Variants in L3MBTL3 observed in about 807,000 individuals in gnomAD.
L3MBTL3 encodes L3MBTL histone methyl-lysine binding protein 3.
In L3MBTL3, 27 loss-of-function variants were observed where a neutral mutation model predicts 102.3. The observed-to-expected ratio is 0.26, with a 90% CI of 0.19 to 0.36. The LOEUF (loss-of-function observed/expected upper bound fraction) is 0.36, where lower values mean the gene tolerates loss of function less well. Among genes scored for constraint, L3MBTL3 ranks in the 10% least tolerant of loss-of-function variants. The pLI, the probability that L3MBTL3 is intolerant of heterozygous loss-of-function variation, is 1.00. For synonymous variants in L3MBTL3, 340 were observed against 320.9 expected, an observed-to-expected ratio of 1.06 and a Z score of -0.64; for missense variants, 798 against 955.3, an observed-to-expected ratio of 0.84 and a Z score of 2.17.
chr6:130,031,638 C>G (rs556931142), intron 2 of L3MBTL3, among the ~76,000 whole-genome samples: 17 of 152,228 alleles, frequency 1.1e-4, no homozygotes, highest in Admixed American at 6.5e-4. Flanking sequence ...TGTTTAAGTG[C>G]AATCAGACCA....
At chr6:130,090,634 C>A (rs141257653) in intron 16 of L3MBTL3, among the ~76,000 whole-genome samples, 2 of 152,040 alleles carry the variant, frequency 1.3e-5, no homozygotes, top group African/African-American at 4.8e-5. Context: ...CTCACTCTGT[C>A]GCCTAGGCTG....
chr6:130,057,153 T>C (rs541732563), intron 8 of L3MBTL3, among the ~76,000 whole-genome samples: 1 of 152,342 alleles, frequency 6.6e-6, no homozygotes, highest in South Asian at 2.1e-4. Context: ...TGTTTTGACT[T>C]CCTGCTGTCT....
rs111502673 is a variant in L3MBTL3, at chr6:130,133,471, C to A, written c.1986C>A (p.Thr662=). Residue 662 remains threonine (T), a synonymous_variant, in exon 21 of 23, where the codon ACC becomes ACA. Transcript: ENST00000361794. The surrounding 1 kb of genome is among the most constrained non-coding windows in gnomAD (Gnocchi z 4.9). ...GACCAGGTGCCCGGGAAGAACCCAC[C>A]GTCCAGCAGGCACAGCGTCGGTCAG... ...HEARGAREEP[T]VQQAQRRSAV... The A allele has an allele frequency of 4.3e-6, 7 of 1,613,948 alleles. No homozygotes were observed. In the South Asian group the frequency reaches 5.5e-5, roughly 13 times the overall value.
At chr6:130,072,811 A>G (rs1305149058) in intron 13 of L3MBTL3, among the ~76,000 whole-genome samples, 2 of 152,058 alleles carry the variant, frequency 1.3e-5, no homozygotes, top group African/African-American at 4.8e-5. Context: ...ATACTTAAAT[A>G]TTTCTCCCTA....
intron 15 of L3MBTL3, 60 bp downstream of exon 15, chr6:130,083,765 G>A (rs1783507594): frequency 3.5e-6 from 3 of 862,780 alleles, no homozygotes; most frequent in Non-Finnish European, 5.6e-6. Flanking sequence ...TGAAATTGAA[G>A]AACAGAACAA....
intron 10 of L3MBTL3, among the ~76,000 whole-genome samples, chr6:130,063,040 G>A (rs1782012035): frequency 7.3e-6 from 1 of 136,614 alleles, no homozygotes; most frequent in Non-Finnish European, 1.5e-5. Context: ...GCAATGGTAA[G>A]ACAACATAGT....
intron 7 of L3MBTL3, among the ~76,000 whole-genome samples, chr6:130,053,626 C>CT (rs942277073): frequency 3.6e-5 from 5 of 139,934 alleles, no homozygotes; most frequent in African/African-American, 1.3e-4. Context: ...CAGAGCGAGA[C>CT]TGTGTCTCAA....
chr6:130,061,687 C>T (rs905008778), intron 10 of L3MBTL3, among the ~76,000 whole-genome samples: 3 of 152,086 alleles, frequency 2.0e-5, no homozygotes, highest in African/African-American at 7.2e-5. Context: ...AGAGGAGGGT[C>T]AGAGTTTCTT....
At chr6:130,059,345 G>A (rs934522704) in intron 9 of L3MBTL3, among the ~76,000 whole-genome samples, 1 of 151,874 alleles carries the variant, frequency 6.6e-6, no homozygotes, top group African/African-American at 2.4e-5. Flanking sequence ...TGCTTTTTTT[G>A]TTTAACTTGA....
intron 16 of L3MBTL3, among the ~76,000 whole-genome samples, chr6:130,090,197 C>CATATAT (rs67532079): frequency 2.1e-4 from 32 of 150,646 alleles, no homozygotes; most frequent in Non-Finnish European, 3.0e-4. Flanking sequence ...ATTTTAAGCA[C>CATATAT]ATATATATAT....
chr6:130,091,092 T>G (rs1784011595), intron 16 of L3MBTL3, among the ~76,000 whole-genome samples: 1 of 152,144 alleles, frequency 6.6e-6, no homozygotes, highest in Admixed American at 6.6e-5. Context: ...TTCATTTTAT[T>G]TTATAATACT....
intron 8 of L3MBTL3, 90 bp from the exon 9 acceptor site, chr6:130,057,316 C>G: frequency 1.1e-6 from 1 of 925,698 alleles, no homozygotes; most frequent in Non-Finnish European, 1.7e-6. Context: ...AGCCAGGCAG[C>G]GTATCAGTCA....
At position 130,049,264 on chromosome 6, in the gene L3MBTL3, C is replaced by A; in HGVS notation, c.103-18C>A. On this transcript the variant is annotated intron_variant, in intron 3 of 22. Transcript: ENST00000361794. ...TGAGCACTTTTTAAATTTTGCCTTT[C>A]TGCTGTGTTGTTGCTAGTTTCGGGT... The A allele has an allele frequency of 7.0e-7, 1 of 1,420,762 alleles. No individual in the cohort carries two copies. The highest frequency in any genetic ancestry group is 9.9e-7 in the Non-Finnish European group (1 of 1,010,288). 88.0% of individuals were successfully genotyped at this position (1,420,762 alleles called of 1,614,324 possible).
Position 130,060,053 on chromosome 6 carries a change from T to C in L3MBTL3, c.777T>C (p.Tyr259=), listed in dbSNP as rs770394007. The C allele has an allele frequency of 5.0e-6, 8 of 1,611,934 alleles. No homozygotes were observed. Among genetic ancestry groups the C allele is most frequent in the Admixed American group, 1.7e-5 (1 of 59,970 alleles). ...KLFKEHQSFP[Y]NKNGFKVGMK... Reference sequence around the variant, plus strand: ...CATTTTAGCATCAATCCTTTCCATATAACAAAAATGGATTCAAAGTTGGCA... The same window carrying C: ...CATTTTAGCATCAATCCTTTCCATACAACAAAAATGGATTCAAAGTTGGCA... Residue 259 remains tyrosine, a synonymous_variant, in exon 10 of 23, where the codon TAT becomes TAC. Transcript: ENST00000361794.
At chr6:130,099,724 G>A (rs1440950568) in intron 18 of L3MBTL3, among the ~76,000 whole-genome samples, 1 of 152,158 alleles carries the variant, frequency 6.6e-6, no homozygotes, top group Non-Finnish European at 1.5e-5. Flanking sequence ...GTTGGCTTTT[G>A]TTTTTAAAGC....
chr6:130,047,458 T>C (rs965159734), intron 3 of L3MBTL3, among the ~76,000 whole-genome samples: 13 of 152,362 alleles, frequency 8.5e-5, no homozygotes, highest in East Asian at 5.8e-4. Context: ...CACTCAGTGA[T>C]GTTTTCTTTC....
At chr6:130,118,934 ATAAG>A (rs1164298548) in intron 19 of L3MBTL3, among the ~76,000 whole-genome samples, 1 of 152,218 alleles carries the variant, frequency 6.6e-6, no homozygotes, top group Non-Finnish European at 1.5e-5. Context: ...AGTTCAGAAA[ATAAG>A]TAATTGTCAT....
intron 11 of L3MBTL3, among the ~76,000 whole-genome samples, chr6:130,067,808 A>T (rs1372754973): frequency 6.6e-6 from 1 of 152,200 alleles, no homozygotes; most frequent in African/African-American, 2.4e-5. Flanking sequence ...GTAAAAATTA[A>T]GGGGAGGACA....
intron 18 of L3MBTL3, among the ~76,000 whole-genome samples, chr6:130,095,757 A>C (rs1784325419): frequency 6.6e-6 from 1 of 152,178 alleles, no homozygotes; most frequent in African/African-American, 2.4e-5. Context: ...TTGCTGCGGA[A>C]GGTAGAGGGC....
Sources: allele counts gnomAD v4.1 joint callset (sites outside exome capture counted in the v4.1 genomes callset), GRCh38; gene constraint gnomAD v4.1.1; non-coding constraint Gnocchi (gnomAD v3.1); transcripts MANE v1.5; gene names NCBI Gene and HGNC (gene_info 2026-07-23, HGNC 2026-07-21).